Variants in MIB1 observed in about 807,000 individuals in gnomAD.
The protein encoded by MIB1 is E3 ubiquitin-protein ligase MIB1.
MIB1 carries 278 observed loss-of-function variants against 124.5 expected under a neutral mutation model. That is an observed-to-expected ratio of 2.23 (90% confidence interval 2.02 to 2.47). The LOEUF (loss-of-function observed/expected upper bound fraction) is 2.47. Ranked by LOEUF, MIB1 falls within the 30% of genes most tolerant of loss-of-function variation. The pLI is 0.00. For missense variants in MIB1, 957 were observed against 1,254.4 expected (o/e 0.76, Z 3.58); for synonymous variants, 446 against 429.4 (o/e 1.04, Z -0.48).
chr18:21,803,981 A>G lies in MIB1; in HGVS notation c.1446A>G (p.Leu482=). ...SQNGHVDILK[L]LLKQNVDVEA... is the part of the protein sequence containing the mutation. The stretch of plus-strand genomic sequence containing the variant: ...ATGGACATGTTGACATTTTGAAGTT[A>G]CTTTTGAAGCAAAACGTGGATGTCG... The change falls in exon 10 of 21, where the codon TTA becomes TTG. Residue 482 remains leucine (L), a synonymous_variant. Transcript: ENST00000261537. 1.9e-6 allele frequency: 3 copies of G among 1,613,730 alleles called. No homozygotes were observed. The highest frequency in any genetic ancestry group is 2.5e-6 in the Non-Finnish European group (3 of 1,179,800).
At chr18:21,829,060 A>G (rs1028044558) in intron 12 of MIB1, 1 of 481,072 alleles carries the variant, frequency 2.1e-6, no homozygotes, top group South Asian at 1.5e-5. Context: ...TCATATGGGT[A>G]CATAAAGAAG....
chr18:21,763,488 T>C (rs2041122739), intron 1 of MIB1, among the ~76,000 whole-genome samples: 1 of 152,324 alleles, frequency 6.6e-6, no homozygotes, highest in Non-Finnish European at 1.5e-5. Context: ...TCTGTGGAAC[T>C]TTTCCTGATT....
intron 7 of MIB1, among the ~76,000 whole-genome samples, 170 bp from the exon 8 acceptor site, chr18:21,797,913 TA>T (rs2041602724): frequency 6.6e-6 from 1 of 152,150 alleles, no homozygotes; most frequent in Admixed American, 6.6e-5. Context: ...TTTTAAAAGA[TA>T]TTTTTTAACA....
chr18:21,729,439 T>C (rs1287995358), intron 1 of MIB1, among the ~76,000 whole-genome samples: 1 of 152,180 alleles, frequency 6.6e-6, no homozygotes, highest in Non-Finnish European at 1.5e-5. Flanking sequence ...CTTTTTGCTG[T>C]GTTCTTACAT....
intron 19 of MIB1, among the ~76,000 whole-genome samples, chr18:21,858,125 A>C (rs1011979173): frequency 6.6e-6 from 1 of 152,200 alleles, no homozygotes; most frequent in African/African-American, 2.4e-5. Context: ...CGTCCTCATA[A>C]AAATCATCTG....
chr18:21,733,047 T>A (rs941252970), intron 1 of MIB1, among the ~76,000 whole-genome samples: 1 of 152,176 alleles, frequency 6.6e-6, no homozygotes, highest in Admixed American at 6.5e-5. Flanking sequence ...CACTTCCACC[T>A]CTTGGTAGCC....
intron 1 of MIB1, among the ~76,000 whole-genome samples, chr18:21,713,566 T>C (rs1312866427): frequency 7.1e-6 from 1 of 140,034 alleles, no homozygotes; most frequent in African/African-American, 2.8e-5. Flanking sequence ...TGAGCTGAGA[T>C]TGCACCACTG....
In MIB1 at chr18:21,779,508, G is replaced by A. The variant is rs2041332859; in HGVS notation, c.731G>A (p.Gly244Asp). The A allele has an allele frequency of 1.9e-6, 3 of 1,613,956 alleles. No homozygotes were observed. The highest frequency in any genetic ancestry group is 2.7e-5 in the African/African-American group (2 of 74,910). The change falls in exon 6 of 21, where the codon GGT (glycine) becomes GAT (aspartate). Residue 244 changes from glycine (G) to aspartate (D), a missense_variant. Transcript: ENST00000261537. ...GAGCAGAATGGCAACAGGAATCCTG[G>A]TGGATTGCAGATTGGTGACCTGGTA... ...LGEQNGNRNPGGLQIGDLVNI... is the reference protein window; with the variant it reads ...LGEQNGNRNPDGLQIGDLVNI...
intron 1 of MIB1, among the ~76,000 whole-genome samples, chr18:21,744,974 T>A (rs1282366730): frequency 6.6e-6 from 1 of 152,198 alleles, no homozygotes; most frequent in African/African-American, 2.4e-5. Flanking sequence ...AATAACACTT[T>A]AAAAGTCACT....
Position 21,798,091 on chromosome 18 carries a change from G to GTA in MIB1, c.1101_1102dup (p.Lys368IlefsTer15), listed in dbSNP as rs1434619302. The GTA allele has an allele frequency of 6.2e-7, 1 of 1,612,454 alleles. No individual in the cohort carries two copies. Among genetic ancestry groups the GTA allele is most frequent in the Non-Finnish European group, 8.5e-7 (1 of 1,179,080 alleles). On this transcript the variant is annotated frameshift_variant, in exon 8 of 21. Coordinates refer to ENST00000261537, the MANE Select transcript of MIB1 (RefSeq NM_020774.4). LOFTEE classifies it high-confidence loss of function. Reference sequence around the variant, plus strand: ...TCTATTTTTTTCCCCAAGACTTTAGGTAAAGTTGGCCGAGTACAACAGATT... The same window carrying GTA: ...TCTATTTTTTTCCCCAAGACTTTAGGTATAAAGTTGGCCGAGTACAACAGATT...
chr18:21,831,264 T>A (rs2041979243), intron 12 of MIB1: 1 of 150,788 alleles, frequency 6.6e-6, no homozygotes, highest in Non-Finnish European at 1.5e-5. Flanking sequence ...GATTTTTTTT[T>A]TTTTTTTTTT....
At chr18:21,844,400 T>A in intron 15 of MIB1, 147 bp downstream of exon 15, 11 of 805,762 alleles carry the variant, frequency 1.4e-5, no homozygotes, top group Non-Finnish European at 1.9e-5. Context: ...TTAGTACTAG[T>A]CAGTACTAAC....
intron 7 of MIB1, among the ~76,000 whole-genome samples, chr18:21,797,807 G>T (rs1226748824): frequency 1.3e-5 from 2 of 152,002 alleles, no homozygotes; most frequent in Non-Finnish European, 2.9e-5. Context: ...CAGAAGTAAG[G>T]ATTGAACATC....
At chr18:21,810,376 A>C (rs1261126693) in intron 10 of MIB1, among the ~76,000 whole-genome samples, 2 of 152,100 alleles carry the variant, frequency 1.3e-5, no homozygotes, top group African/African-American at 4.8e-5. Context: ...TTCTTGCAGA[A>C]ATAGAAAAAT....
At chr18:21,767,071 G>C (rs1423102564) in intron 2 of MIB1, among the ~76,000 whole-genome samples, 3 of 152,190 alleles carry the variant, frequency 2.0e-5, no homozygotes, top group Non-Finnish European at 4.4e-5. Flanking sequence ...CTGTAAGTAT[G>C]TAGTACTGTG....
chr18:21,798,787 A>G (rs1254998804), intron 8 of MIB1, among the ~76,000 whole-genome samples: 1 of 152,096 alleles, frequency 6.6e-6, no homozygotes, highest in Non-Finnish European at 1.5e-5. Flanking sequence ...CCTGTGCTCC[A>G]GCTTTGTATA....
At chr18:21,779,314 A>C (rs901678675) in intron 5 of MIB1, among the ~76,000 whole-genome samples, 167 bp from the exon 6 acceptor site, 15 of 152,116 alleles carry the variant, frequency 9.9e-5, no homozygotes, top group Admixed American at 3.3e-4. Flanking sequence ...TTTTTTTAAA[A>C]AAAGCTTTCT....
At chr18:21,800,634 G>A (rs1407253781) in intron 9 of MIB1, among the ~76,000 whole-genome samples, 1 of 152,122 alleles carries the variant, frequency 6.6e-6, no homozygotes, top group African/African-American at 2.4e-5. Context: ...TGTAGTTGGA[G>A]TGACAATTTG....
At chr18:21,748,818 G>A (rs1163334742) in intron 1 of MIB1, among the ~76,000 whole-genome samples, 1 of 147,128 alleles carries the variant, frequency 6.8e-6, no homozygotes, top group Non-Finnish European at 1.5e-5. Flanking sequence ...TTGCAACCTC[G>A]AATTCTTGGG....
Sources: allele counts gnomAD v4.1 joint callset (sites outside exome capture counted in the v4.1 genomes callset), GRCh38; gene constraint gnomAD v4.1.1; transcripts MANE v1.5; gene names NCBI Gene and HGNC (gene_info 2026-07-23, HGNC 2026-07-21).